Variants in GLS2 observed in about 807,000 individuals in gnomAD.
The protein encoded by GLS2 is glutaminase 2, also known as glutaminase liver isoform, mitochondrial.
GLS2 carries 52 observed loss-of-function variants against 79.0 expected under a neutral mutation model. The ratio of observed to expected loss-of-function variants is 0.66; its 90% CI spans 0.53 to 0.83. GLS2 has a LOEUF of 0.83. GLS2 is among the 40% of genes least tolerant of loss of function. The pLI is 0.00. For missense variants in GLS2, 561 were observed against 764.8 expected (o/e 0.73, Z 3.14); for synonymous variants, 238 against 280.8 (o/e 0.85, Z 1.52).
At chr12:56,477,527 C>T (rs1592277551) in intron 7 of GLS2, 133 bp downstream of exon 7, 1 of 838,780 alleles carries the variant, frequency 1.2e-6, no homozygotes, top group Admixed American at 2.3e-5. Flanking sequence ...TGCTGTGCCT[C>T]ATGTGCCTTC....
chr12:56,476,227 A>G, intron 7 of GLS2: 1 of 468,988 alleles, frequency 2.1e-6, no homozygotes, highest in East Asian at 4.1e-5. Flanking sequence ...CAGTGGCACG[A>G]TCATGGCTCA....
Position 56,479,892 on chromosome 12 carries a change from C to G in GLS2, c.292G>C (p.Ala98Pro). 6.2e-7 allele frequency: 1 copy of G among 1,612,932 alleles called. No homozygotes were observed. Among genetic ancestry groups the G allele is most frequent in the East Asian group, 2.2e-5 (1 of 44,862 alleles). ...GGATCTGATGTCTGCAGTCCAGTGG[C>G]CTTTAGTGCCTTTAGAGGAAAGAAG... ...PIHKFTTALK[A>P]TGLQTSDPRL... Residue 98 changes from alanine to proline, a missense_variant, in exon 3 of 18, where the codon GCC becomes CCC. Coordinates refer to ENST00000311966, the MANE Select transcript of GLS2 (RefSeq NM_013267.4).
rs1870074147 is a variant in GLS2 at position 56,479,040 on chromosome 12, CCT to C, written c.534+10_534+11del. 13 of 1,613,170 alleles carry C rather than the reference CCT, an allele frequency of 8.1e-6. No homozygotes were observed. Among genetic ancestry groups the C allele is most frequent in the South Asian group, 1.1e-5 (1 of 91,010 alleles). ...AGGTCCCTGACCCCTCCCTTAGTCC[CCT>C]GACTCTCACTTTGCCTCCAGTGAGC... On this transcript the variant is annotated intron_variant, in intron 4 of 17. Coordinates refer to ENST00000311966, the MANE Select transcript of GLS2 (RefSeq NM_013267.4).
chr12:56,474,957 G>A (rs1869670213), intron 10 of GLS2, 61 bp from the exon 11 acceptor site: 13 of 1,613,636 alleles, frequency 8.1e-6, no homozygotes, highest in Middle Eastern at 1.7e-4. Flanking sequence ...ACACTGTCAG[G>A]GTCTCAGCTG....
rs1228995065 is a variant in GLS2 at position 56,475,957 on chromosome 12, C to A, written c.858G>T (p.Glu286Asp). The A allele has an allele frequency of 1.2e-6, 2 of 1,613,644 alleles. No individual in the cohort carries two copies. Among genetic ancestry groups the A allele is most frequent in the South Asian group, 2.2e-5 (2 of 91,084 alleles). ...CAAGGGAACTTACAAAATCAAACTT[C>A]TCTGCTTTGTTACAGTCCATCTGCA... The part of the protein sequence containing the change: ...SLIKMDCNKA[E>D]KFDFVLQYLN... The change falls in exon 8 of 18, where the codon GAG becomes GAT. Residue 286 changes from glutamate (E) to aspartate (D), a missense_variant. Physicochemically the swap from Glu to Asp is conservative, Grantham distance 45. Around this residue, in one of 4 missense-constraint regions of GLS2, gnomAD observed 221 missense variants for 275.6 expected, o/e 0.80. Coordinates refer to ENST00000311966, the MANE Select transcript of GLS2 (RefSeq NM_013267.4).
rs1363630635 is a variant in GLS2, at chr12:56,475,655, C to T, written c.898G>A (p.Gly300Arg). Reference protein sequence around the residue: ...FVLQYLNKMAGNEYMGFSNAT... With the variant: ...FVLQYLNKMARNEYMGFSNAT... ...TTGCTGAAACCCATGTATTCATTCC[C>T]AGCCATTTTGTTGAGATACTGCAAC... The change falls in exon 9 of 18, where the codon GGG becomes AGG. Residue 300 changes from glycine to arginine, a missense_variant. Physicochemically the swap from Gly to Arg is moderately radical, Grantham distance 125. Around this residue, in one of 4 missense-constraint regions of GLS2, gnomAD observed 221 missense variants for 275.6 expected, o/e 0.80. Transcript: ENST00000311966. 3.1e-6 allele frequency: 5 copies of T among 1,614,048 alleles called. No individual in the cohort carries two copies. Among genetic ancestry groups the T allele is most frequent in the Non-Finnish European group, 4.2e-6 (5 of 1,180,038 alleles).
At chr12:56,475,174 A>T in intron 9 of GLS2, 64 bp from the exon 10 acceptor site, 1 of 1,609,588 alleles carries the variant, frequency 6.2e-7, no homozygotes, top group South Asian at 1.1e-5. Flanking sequence ...AAGGGGAAAA[A>T]TTACCTTCCC....
chr12:56,477,911 T>C (rs771735386), intron 6 of GLS2, 22 bp downstream of exon 6: 24 of 1,606,904 alleles, frequency 1.5e-5, no homozygotes, highest in Non-Finnish European at 6.0e-6. Flanking sequence ...GTAAGTACGG[T>C]CTGAGCCTTG....
intron 3 of GLS2, chr12:56,479,544 T>A: frequency 2.2e-6 from 1 of 446,136 alleles, no homozygotes; most frequent in Non-Finnish European, 3.8e-6. Context: ...CCCACTAATC[T>A]GCTAATATTT....
At position 56,475,659 on chromosome 12, in the gene GLS2, C is replaced by T. The variant is rs1353666623; in HGVS notation, c.894G>A (p.Met298Ile). The T allele has an allele frequency of 8.7e-6, 14 of 1,614,060 alleles. No homozygotes were observed. Among genetic ancestry groups the T allele is most frequent in the Non-Finnish European group, 1.2e-5 (14 of 1,180,048 alleles). ...FDFVLQYLNKMAGNEYMGFSN... is the reference protein window; with the variant it reads ...FDFVLQYLNKIAGNEYMGFSN... Reference sequence around the variant, plus strand: ...TGAAACCCATGTATTCATTCCCAGCCATTTTGTTGAGATACTGCAACACCT... The same window carrying T: ...TGAAACCCATGTATTCATTCCCAGCTATTTTGTTGAGATACTGCAACACCT... Residue 298 changes from methionine (M) to isoleucine (I), a missense_variant, in exon 9 of 18, where the codon ATG becomes ATA. Around this residue, in one of 4 missense-constraint regions of GLS2, gnomAD observed 221 missense variants for 275.6 expected, o/e 0.80. Transcript: ENST00000311966.
intron 1 of GLS2, 75 bp downstream of exon 1, chr12:56,487,862 G>A: frequency 6.7e-7 from 1 of 1,486,480 alleles, no homozygotes; most frequent in Non-Finnish European, 9.0e-7. Flanking sequence ...GCCTTGGAAG[G>A]GCACTCGGGA....
rs1451155800 is a variant in GLS2, at chr12:56,473,397, A to C, written c.1356+66T>G. 5.6e-6 allele frequency: 9 copies of C among 1,604,582 alleles called. No individual in the cohort carries two copies. The East Asian group carries it at 2.0e-4, about 36-fold the overall frequency. On this transcript the variant is annotated intron_variant, in intron 13 of 17. Coordinates refer to ENST00000311966, the MANE Select transcript of GLS2 (RefSeq NM_013267.4). ...AGCTCAAAATTGCTTTATTATAGTA[A>C]AAGTGGTACCATTAAACAAATTTAT... is the stretch of plus-strand genomic sequence containing the variant.
intron 12 of GLS2, chr12:56,474,327 G>C: frequency 1.8e-6 from 1 of 568,966 alleles, no homozygotes; most frequent in Non-Finnish European, 3.1e-6. Context: ...GACCTCAGGT[G>C]ATCCACCTGC....
Position 56,488,119 on chromosome 12 carries a change from GCCCCAGCAAGC to G in GLS2, c.-12_-2del, listed in dbSNP as rs1447177187. ...TCTGCAGAGCCTTCATGGAGCGCATGCCCCAGCAAGCCTCCGGCTCTGCAGGTGCGCCCGGG... is the reference window on the plus strand; with the variant it reads ...TCTGCAGAGCCTTCATGGAGCGCATGCTCCGGCTCTGCAGGTGCGCCCGGG... On this transcript the variant is annotated 5_prime_UTR_variant, in exon 1 of 18. Coordinates refer to ENST00000311966, the MANE Select transcript of GLS2 (RefSeq NM_013267.4). 3.9e-6 allele frequency: 6 copies of G among 1,532,770 alleles called. No homozygotes were observed. Among genetic ancestry groups the G allele is most frequent in the Non-Finnish European group, 5.2e-6 (6 of 1,147,740 alleles). The allele number at this position is 1,532,770 out of a possible 1,614,324, so 94.9% of individuals were successfully genotyped here. A position where few individuals can be genotyped will look rare whatever the true frequency, so the allele number is the denominator to read the frequency against.
At chr12:56,478,949 A>G in intron 4 of GLS2, 103 bp downstream of exon 4, 4 of 1,429,348 alleles carry the variant, frequency 2.8e-6, no homozygotes, top group Non-Finnish European at 3.7e-6. Context: ...GCACCATTGC[A>G]CTCCAGCCCG....
rs1408237692 is a variant in GLS2, at chr12:56,477,922, G to T, written c.778+11C>A. The T allele has an allele frequency of 3.1e-6, 5 of 1,610,434 alleles. No homozygotes were observed. Among genetic ancestry groups the T allele is most frequent in the Non-Finnish European group, 4.2e-6 (5 of 1,177,956 alleles). ...AGCTGTAAGTACGGTCTGAGCCTTG[G>T]TAGTGCTCACCTTCCTCATTGAGGG... On this transcript the variant is annotated intron_variant, in intron 6 of 17. Coordinates refer to ENST00000311966, the MANE Select transcript of GLS2 (RefSeq NM_013267.4).
At position 56,472,918 on chromosome 12, in the gene GLS2, C is replaced by T. The variant is rs531422437; in HGVS notation, c.1450-167G>A. 1.4e-4 allele frequency: 85 copies of T among 596,158 alleles called. No homozygotes were observed. The Middle Eastern group carries it at 2.5e-3, about 17-fold the overall frequency. The allele number at this position is 596,158 out of a possible 1,614,324, so 36.9% of individuals were successfully genotyped here. Reference sequence around the variant, plus strand: ...TTTTTTTTTTTTTGAGACGGAGTCTCGCTCTGTCGTTCAGGCTGAAGTGTA... The same window carrying T: ...TTTTTTTTTTTTTGAGACGGAGTCTTGCTCTGTCGTTCAGGCTGAAGTGTA... On this transcript the variant is annotated intron_variant, in intron 14 of 17. Coordinates refer to ENST00000311966, the MANE Select transcript of GLS2 (RefSeq NM_013267.4).
chr12:56,478,487 G>A, intron 4 of GLS2: 2 of 535,408 alleles, frequency 3.7e-6, no homozygotes, highest in Admixed American at 3.3e-5. Context: ...AAAGCCAATG[G>A]AAGTTAAAAA....
intron 10 of GLS2, 54 bp from the exon 11 acceptor site, chr12:56,474,950 CTG>C: frequency 3.1e-6 from 5 of 1,613,718 alleles, no homozygotes; most frequent in Non-Finnish European, 3.4e-6. Flanking sequence ...CCCTTTCACA[CTG>C]TCAGGGTCTC....
Sources: allele counts gnomAD v4.1 joint callset, GRCh38; gene constraint gnomAD v4.1.1; regional missense constraint gnomAD v4.1.1; transcripts MANE v1.5; gene names NCBI Gene and HGNC (gene_info 2026-07-23, HGNC 2026-07-21).